The following PRH1 variants were observed in gnomAD, a reference collection of about 807,000 sequenced individuals.
PRH1 encodes the protein salivary acidic proline-rich phosphoprotein 1/2.
In PRH1, 7 loss-of-function variants were observed where a neutral mutation model predicts 7.9. The ratio of observed to expected loss-of-function variants is 0.89; its 90% CI spans 0.50 to 1.67. The LOEUF (loss-of-function observed/expected upper bound fraction) is 1.67, where lower values mean the gene tolerates loss of function less well. Among genes scored for constraint, PRH1 ranks in the 40% most tolerant of loss-of-function variants. PRH1 has a pLI of 0.00. For synonymous variants in PRH1, 45 were observed against 80.8 expected (o/e 0.56, Z 2.38); for missense variants, 109 against 223.6 (o/e 0.49, Z 3.27).
chr12:11,085,946 T>C (rs1270257745), intron 1 of PRH1, among the ~76,000 whole-genome samples: 12,210 of 68,066 alleles, frequency 0.18, 357 homozygotes, highest in Non-Finnish European at 0.25. Context: ...ATTTTTTCAA[T>C]GCCAGGTTTA....
At position 11,171,455 on chromosome 12, in the gene PRH1, C is replaced by T. The variant is rs1947841794; in HGVS notation, n.6G>A. 3.2e-6 allele frequency: 4 copies of T among 1,232,240 alleles called. No individual in the cohort carries two copies. The South Asian group carries it at 1.6e-4, about 51-fold the overall frequency. The allele number at this position is 1,232,240 out of a possible 1,614,324, so 76.3% of individuals were successfully genotyped here. On this transcript the variant is annotated non_coding_transcript_exon_variant, in exon 1 of 2. Coordinates refer to the PRH1 transcript ENST00000541175. Reference sequence around the variant, plus strand: ...GCGTCTTCTGCAAGGGGCTCTCCCGCACCCTGCTCGCCTTCTTCGAGCTGG... The same window carrying T: ...GCGTCTTCTGCAAGGGGCTCTCCCGTACCCTGCTCGCCTTCTTCGAGCTGG...
intron 1 of PRH1, among the ~76,000 whole-genome samples, chr12:11,002,003 T>C (rs1940617960): frequency 6.6e-6 from 1 of 152,136 alleles, no homozygotes; most frequent in South Asian, 2.1e-4. Context: ...ATCTTTCCTA[T>C]AGTGTTCCTA....
intron 1 of PRH1, chr12:10,973,833 T>G: frequency 1.8e-6 from 1 of 565,988 alleles, no homozygotes; most frequent in Non-Finnish European, 3.2e-6. Flanking sequence ...TCTTTATAGG[T>G]GAAGAGTCAA....
At chr12:11,111,218 C>T (rs1945581324) in intron 1 of PRH1, among the ~76,000 whole-genome samples, 1 of 152,080 alleles carries the variant, frequency 6.6e-6, no homozygotes, top group Non-Finnish European at 1.5e-5. Context: ...ACTTTAACAC[C>T]CCACAGTCAA....
chr12:11,016,701 G>A (rs1334626582), intron 1 of PRH1, among the ~76,000 whole-genome samples: 2 of 152,142 alleles, frequency 1.3e-5, no homozygotes, highest in Non-Finnish European at 2.9e-5. Flanking sequence ...CCATCCCAAG[G>A]TGGATCTAAT....
At chr12:11,038,214 T>G (rs1355084213) in intron 1 of PRH1, among the ~76,000 whole-genome samples, 1 of 152,242 alleles carries the variant, frequency 6.6e-6, no homozygotes, top group East Asian at 1.9e-4. Flanking sequence ...TTTAACATTT[T>G]TTATTGTGGA....
chr12:10,895,669 G>T (rs1024902031), intron 2 of PRH1: 1 of 152,118 alleles, frequency 6.6e-6, no homozygotes, highest in Non-Finnish European at 1.5e-5. Context: ...TTTTCTCATA[G>T]CCTATATTGA....
At chr12:10,953,681 A>C (rs1316422733) in intron 2 of PRH1, among the ~76,000 whole-genome samples, 1 of 152,356 alleles carries the variant, frequency 6.6e-6, no homozygotes, top group East Asian at 1.9e-4. Flanking sequence ...CAACTTGGAA[A>C]ACCTATTTCA....
intron 1 of PRH1, among the ~76,000 whole-genome samples, chr12:11,169,948 T>C (rs1354718633): frequency 6.6e-6 from 1 of 152,180 alleles, no homozygotes; most frequent in Non-Finnish European, 1.5e-5. Flanking sequence ...GTAGACTATA[T>C]AGAAACAGAG....
At chr12:11,171,424 C>A (rs534627309) in exon 1 of PRH1, 61 of 1,232,046 alleles carry the variant, frequency 5.0e-5, no homozygotes, top group Non-Finnish European at 1.0e-6. Context: ...ACACCCACCT[C>A]GTACGGCGTC....
intron 1 of PRH1, chr12:11,062,086 TC>T: frequency 6.2e-7 from 1 of 1,613,688 alleles, no homozygotes; most frequent in Non-Finnish European, 8.5e-7. Context: ...TGGATTCAAC[TC>T]AGTTGCATAC....
intron 1 of PRH1, among the ~76,000 whole-genome samples, chr12:11,039,130 T>A (rs769677469): frequency 3.9e-5 from 6 of 152,248 alleles, no homozygotes; most frequent in Non-Finnish European, 8.8e-5. Flanking sequence ...TAGGTGTCCA[T>A]GGGAAAATAT....
At chr12:10,886,856 C>T (rs745425521), upstream of PRH1, among the ~76,000 whole-genome samples, 2 of 152,124 alleles carry the variant, frequency 1.3e-5, no homozygotes, top group Non-Finnish European at 2.9e-5. Flanking sequence ...CAAATATGAC[C>T]ACTTGCCTGA....
chr12:10,906,718 C>T (rs992653161), intron 2 of PRH1, among the ~76,000 whole-genome samples: 1 of 152,150 alleles, frequency 6.6e-6, no homozygotes, highest in Non-Finnish European at 1.5e-5. Flanking sequence ...CCATGTAAGA[C>T]GTGACTTTTG....
intron 1 of PRH1, among the ~76,000 whole-genome samples, chr12:11,161,450 C>CT (rs1947410905): frequency 6.6e-6 from 1 of 152,082 alleles, no homozygotes; most frequent in African/African-American, 2.4e-5. Context: ...TATAAGCAAA[C>CT]TTTTTAAAAA....
At chr12:10,918,678 A>G (rs528573221) in intron 2 of PRH1, among the ~76,000 whole-genome samples, 7 of 152,252 alleles carry the variant, frequency 4.6e-5, no homozygotes, top group Non-Finnish European at 8.8e-5. Context: ...TGCACACATT[A>G]TAATTCTATG....
chr12:10,884,343 G>T, upstream of PRH1: 1 of 1,150,018 alleles, frequency 8.7e-7, no homozygotes, highest in Non-Finnish European at 1.3e-6. Flanking sequence ...TCGCCTCAGA[G>T]ACTGGCTTCT....
At chr12:10,997,315 T>TG (rs1940319924) in intron 1 of PRH1, 2 of 1,614,096 alleles carry the variant, frequency 1.2e-6, no homozygotes, top group Admixed American at 3.3e-5. Flanking sequence ...TCAGAGTGAA[T>TG]GGTATCAAGT....
chr12:11,129,501 T>C (rs1207449740), intron 1 of PRH1, among the ~76,000 whole-genome samples: 1 of 152,290 alleles, frequency 6.6e-6, no homozygotes, highest in African/African-American at 2.4e-5. Context: ...ACAAAACACC[T>C]GAAAGTTACA....
Sources: gnomAD v4.1 joint callset for allele counts (sites outside exome capture counted in the v4.1 genomes callset) on GRCh38, gnomAD v4.1.1 for gene constraint, MANE v1.5 for transcripts, NCBI Gene and HGNC (gene_info 2026-07-23, HGNC 2026-07-21) for gene names.